Variants in MTUS2 observed in about 807,000 individuals in gnomAD.
MTUS2 encodes the protein microtubule-associated tumor suppressor candidate 2.
In MTUS2, 40 loss-of-function variants were observed where a neutral mutation model predicts 114.1. That is an observed-to-expected ratio of 0.35 (90% CI 0.27 to 0.46). The LOEUF (loss-of-function observed/expected upper bound fraction) is 0.46, where lower values mean the gene tolerates loss of function less well. Among genes scored for constraint, MTUS2 ranks in the 20% least tolerant of loss-of-function variants. MTUS2 has a pLI of 1.00. For missense variants in MTUS2, 1,679 were observed against 1,705.4 expected (o/e 0.98, Z 0.27); for synonymous variants, 688 against 672.0 (o/e 1.02, Z -0.37).
intron 5 of MTUS2, among the ~76,000 whole-genome samples, chr13:29,270,663 C>T (rs748202490): frequency 3.3e-5 from 5 of 152,222 alleles, no homozygotes; most frequent in Non-Finnish European, 5.9e-5. Flanking sequence ...TACCATGCCC[C>T]GAGCATGAGC....
chr13:29,100,935 A>C lies in MTUS2; in HGVS notation c.2609A>C (p.Asp870Ala), dbSNP rs544089457. 1 of 1,576,646 alleles carries C rather than the reference A, an allele frequency of 6.3e-7. No homozygotes were observed. Among genetic ancestry groups the C allele is most frequent in the South Asian group, 1.2e-5 (1 of 85,816 alleles). The change falls in exon 5 of 16, where the codon GAC (aspartate) becomes GCC (alanine). Residue 870 changes from aspartate to alanine, a missense_variant. Asp to Ala is a moderately radical substitution (Grantham distance 126). Transcript: ENST00000612955. ...VSSVSSTQSG[D>A]SAQPEQGRPA... ...TCAGTCTCCAGCACCCAGTCCGGGGACAGTGCACAGCCAGAGCAGGGCCGG... is the reference window on the plus strand; with the variant it reads ...TCAGTCTCCAGCACCCAGTCCGGGGCCAGTGCACAGCCAGAGCAGGGCCGG...
intron 4 of MTUS2, among the ~76,000 whole-genome samples, chr13:29,038,176 G>A (rs1887171503): frequency 6.6e-6 from 1 of 152,156 alleles, no homozygotes; most frequent in South Asian, 2.1e-4. Flanking sequence ...TTTGATGTTG[G>A]TGATCTTCAG....
chr13:29,155,686 C>G, intron 5 of MTUS2, among the ~76,000 whole-genome samples: 1 of 151,974 alleles, frequency 6.6e-6, no homozygotes, highest in East Asian at 1.9e-4. Context: ...GTATTTCTAA[C>G]TAAATATATG....
At chr13:29,420,571 C>T (rs1332713712) in intron 8 of MTUS2, among the ~76,000 whole-genome samples, 6 of 152,172 alleles carry the variant, frequency 3.9e-5, no homozygotes, top group Non-Finnish European at 8.8e-5. Context: ...GCCACTGCAC[C>T]CAGCCTCCGT....
intron 8 of MTUS2, among the ~76,000 whole-genome samples, chr13:29,434,466 G>A (rs1184850657): frequency 6.6e-6 from 1 of 152,200 alleles, no homozygotes; most frequent in Non-Finnish European, 1.5e-5. Context: ...CTTCTTGAGA[G>A]CAGAAATGTC....
intron 5 of MTUS2, among the ~76,000 whole-genome samples, chr13:29,131,247 T>G (rs1242302916): frequency 6.6e-6 from 1 of 152,260 alleles, no homozygotes; most frequent in Non-Finnish European, 1.5e-5. Context: ...GAGGTAGCTG[T>G]CATCCTTAGT....
intron 4 of MTUS2, among the ~76,000 whole-genome samples, chr13:29,069,736 C>T (rs770234168): frequency 2.6e-5 from 4 of 152,162 alleles, no homozygotes; most frequent in Non-Finnish European, 5.9e-5. Flanking sequence ...ATAACTAATT[C>T]GAAGAGATTT....
rs76863658 is a variant in MTUS2, at chr13:28,857,856, C to T, written c.-243+18006C>T. The stretch of plus-strand genomic sequence containing the variant: ...CATCATCATCTATCCATCCATCTAC[C>T]TTTCCATTCTTTCCAGAGATCCTTT... On this transcript the variant is annotated intron_variant, in intron 2 of 15. Transcript: ENST00000612955. Among the ~76,000 whole-genome samples the T allele has an allele frequency of 3.9e-4, 60 of 152,328 alleles. No individual in the cohort carries two copies. In the East Asian group the frequency reaches 0.011, roughly 28 times the overall value.
intron 4 of MTUS2, among the ~76,000 whole-genome samples, chr13:29,037,032 G>A (rs919250146): frequency 4.6e-5 from 7 of 152,166 alleles, no homozygotes; most frequent in Admixed American, 2.6e-4. Context: ...ATTGTTATGT[G>A]TGAATTTGAT....
At chr13:29,100,107 T>C (rs1422544720) in intron 4 of MTUS2, among the ~76,000 whole-genome samples, 4 of 152,202 alleles carry the variant, frequency 2.6e-5, no homozygotes, top group Admixed American at 6.5e-5. Context: ...ATATTTATAC[T>C]AGATTTGCAA....
intron 5 of MTUS2, among the ~76,000 whole-genome samples, chr13:29,172,281 T>A (rs936579557): frequency 4.6e-5 from 7 of 152,218 alleles, no homozygotes; most frequent in Non-Finnish European, 8.8e-5. Context: ...CCAAGATAAC[T>A]TCCCCCTCAA....
At chr13:29,232,080 G>A (rs747676280) in intron 5 of MTUS2, among the ~76,000 whole-genome samples, 1 of 152,136 alleles carries the variant, frequency 6.6e-6, no homozygotes. Flanking sequence ...TGTGGCAAAG[G>A]AATACATGCC....
At chr13:29,352,550 C>G (rs1869380716) in intron 7 of MTUS2, among the ~76,000 whole-genome samples, 1 of 152,126 alleles carries the variant, frequency 6.6e-6, no homozygotes, top group Admixed American at 6.5e-5. Context: ...AACCACTAGT[C>G]TACTTTTTTG....
At chr13:29,131,773 C>T (rs1891774596) in intron 5 of MTUS2, among the ~76,000 whole-genome samples, 1 of 152,238 alleles carries the variant, frequency 6.6e-6, no homozygotes, top group African/African-American at 2.4e-5. Context: ...CTTATTTCAT[C>T]ACAAAAGCAA....
chr13:29,099,521 A>G (rs985466946), intron 4 of MTUS2, among the ~76,000 whole-genome samples: 2 of 152,056 alleles, frequency 1.3e-5, no homozygotes, highest in Non-Finnish European at 2.9e-5. Flanking sequence ...TTATTCCCAC[A>G]CATAGATGCT....
intron 2 of MTUS2, among the ~76,000 whole-genome samples, chr13:28,964,495 A>G (rs1287371072): frequency 6.6e-6 from 1 of 152,098 alleles, no homozygotes; most frequent in East Asian, 1.9e-4. Context: ...CAAACCGGCC[A>G]GTCTTGTCTT....
At chr13:29,163,154 A>G (rs1297723595) in intron 5 of MTUS2, among the ~76,000 whole-genome samples, 1 of 152,208 alleles carries the variant, frequency 6.6e-6, no homozygotes, top group Non-Finnish European at 1.5e-5. Context: ...CAAGATAAAT[A>G]ATATTTTAAT....
chr13:29,173,107 G>T (rs1449707728), intron 5 of MTUS2, among the ~76,000 whole-genome samples: 3 of 151,852 alleles, frequency 2.0e-5, no homozygotes, highest in Non-Finnish European at 4.4e-5. Flanking sequence ...TTTTTTTATT[G>T]TAAACTGTTC....
intron 7 of MTUS2, among the ~76,000 whole-genome samples, chr13:29,356,461 T>C (rs1052759320): frequency 6.6e-6 from 1 of 152,212 alleles, no homozygotes; most frequent in East Asian, 1.9e-4. Flanking sequence ...AAGCTGGCCA[T>C]GTCAGTGATC....
Sources: allele counts gnomAD v4.1 joint callset (sites outside exome capture counted in the v4.1 genomes callset), GRCh38; gene constraint gnomAD v4.1.1; transcripts MANE v1.5; gene names NCBI Gene and HGNC (gene_info 2026-07-23, HGNC 2026-07-21).